Variants in DOCK2 observed in about 807,000 individuals in gnomAD.
DOCK2 encodes the protein dedicator of cytokinesis 2.
Under a neutral mutation model 248.9 loss-of-function variants are expected in DOCK2, and 87 were observed. That is an observed-to-expected ratio of 0.35 (90% confidence interval 0.29 to 0.42). DOCK2 has a LOEUF of 0.42. Ranked by LOEUF, DOCK2 falls within the 10% of genes least tolerant of loss-of-function variation. The pLI is 1.00. For missense variants in DOCK2, 1,747 were observed against 2,300.2 expected, an observed-to-expected ratio of 0.76 and a Z score of 4.92; for synonymous variants, 805 against 821.6, an observed-to-expected ratio of 0.98 and a Z score of 0.35.
chr5:169,921,897 T>C (rs1033352004), intron 27 of DOCK2, among the ~76,000 whole-genome samples: 2 of 152,230 alleles, frequency 1.3e-5, no homozygotes, highest in East Asian at 1.9e-4. Flanking sequence ...AATAATACTG[T>C]GATAGCCCCT....
chr5:169,649,672 C>T (rs892462413), intron 1 of DOCK2, among the ~76,000 whole-genome samples: 2 of 152,186 alleles, frequency 1.3e-5, no homozygotes, highest in African/African-American at 4.8e-5. Context: ...CCGCTTTCTG[C>T]CACTTTCTGT....
intron 22 of DOCK2, among the ~76,000 whole-genome samples, chr5:169,746,587 C>T (rs933847299): frequency 2.0e-4 from 31 of 152,112 alleles, no homozygotes; most frequent in African/African-American, 6.8e-4. Flanking sequence ...GGATATTTCA[C>T]GGTTGGTGAT....
intron 22 of DOCK2, among the ~76,000 whole-genome samples, chr5:169,733,136 G>A (rs1027722978): frequency 6.6e-6 from 1 of 151,810 alleles, no homozygotes; most frequent in African/African-American, 2.4e-5. Flanking sequence ...TGATTTTTCT[G>A]TCCTTTTTCT....
At chr5:169,756,551 C>A (rs985332053) in intron 23 of DOCK2, among the ~76,000 whole-genome samples, 1 of 152,088 alleles carries the variant, frequency 6.6e-6, no homozygotes, top group African/African-American at 2.4e-5. Flanking sequence ...TAGGCTCATG[C>A]GGTGCTGGGT....
chr5:169,668,388 G>T (rs569452423), intron 2 of DOCK2, among the ~76,000 whole-genome samples: 3 of 152,088 alleles, frequency 2.0e-5, no homozygotes, highest in Non-Finnish European at 2.9e-5. Context: ...GGACCTGGCC[G>T]TCAGGCTGGC....
rs142061956 is a variant in DOCK2, at chr5:169,651,627, C to G, written c.44-2776C>G. Reference sequence around the variant, plus strand: ...ATCCTGTCCAGTTCTACTGCCAAGTCCTCAGGCAGACCACTTGGGCTGAAA... The same window carrying G: ...ATCCTGTCCAGTTCTACTGCCAAGTGCTCAGGCAGACCACTTGGGCTGAAA... On this transcript the variant is annotated intron_variant, in intron 1 of 51. Coordinates refer to ENST00000520908, the MANE Select transcript of DOCK2 (RefSeq NM_004946.3). 8.7e-3 allele frequency among the ~76,000 whole-genome samples: 1,325 copies of G among 152,292 alleles called. 15 individuals carry two copies. The highest frequency in any genetic ancestry group is 0.03 in the African/African-American group (1,243 of 41,538).
intron 22 of DOCK2, among the ~76,000 whole-genome samples, chr5:169,739,564 C>G (rs145442247): frequency 6.6e-6 from 1 of 152,246 alleles, no homozygotes; most frequent in Non-Finnish European, 1.5e-5. Flanking sequence ...ACCTAATCCC[C>G]TTTTCCAAGA....
At chr5:169,962,120 T>C (rs1429278592) in intron 27 of DOCK2, among the ~76,000 whole-genome samples, 1 of 152,010 alleles carries the variant, frequency 6.6e-6, no homozygotes, top group Non-Finnish European at 1.5e-5. Flanking sequence ...CGCTTTATTG[T>C]GGCTAAGTAG....
At chr5:169,736,090 T>G (rs1253560350) in intron 22 of DOCK2, among the ~76,000 whole-genome samples, 2 of 152,148 alleles carry the variant, frequency 1.3e-5, no homozygotes, top group African/African-American at 4.8e-5. Context: ...GCCCCCATGA[T>G]CCAATCATCT....
chr5:169,846,685 T>G (rs1293516291), intron 27 of DOCK2, among the ~76,000 whole-genome samples: 2 of 152,094 alleles, frequency 1.3e-5, no homozygotes, highest in Non-Finnish European at 2.9e-5. Flanking sequence ...CACACACATA[T>G]ATATACATAC....
chr5:169,903,381 C>T (rs887854685), intron 27 of DOCK2, among the ~76,000 whole-genome samples: 5 of 149,938 alleles, frequency 3.3e-5, no homozygotes, highest in Admixed American at 6.6e-5. Context: ...AAGAGGAAGT[C>T]GGGGTGCCGC....
chr5:169,710,559 G>A (rs986254893), intron 15 of DOCK2, among the ~76,000 whole-genome samples: 1 of 152,166 alleles, frequency 6.6e-6, no homozygotes, highest in African/African-American at 2.4e-5. Context: ...ATTGGAATAA[G>A]GATTTGGAAT....
At chr5:169,890,491 T>G (rs1160188769) in intron 27 of DOCK2, among the ~76,000 whole-genome samples, 1 of 152,190 alleles carries the variant, frequency 6.6e-6, no homozygotes, top group African/African-American at 2.4e-5. Flanking sequence ...TCTTTCCAAT[T>G]TGAAATTTGG....
At chr5:169,960,600 A>T (rs769561069) in intron 27 of DOCK2, among the ~76,000 whole-genome samples, 23 of 152,186 alleles carry the variant, frequency 1.5e-4, no homozygotes, top group Non-Finnish European at 2.5e-4. Flanking sequence ...CCAATAATGG[A>T]GGGCCAGCCA....
chr5:169,816,204 G>A (rs573015535), intron 26 of DOCK2, among the ~76,000 whole-genome samples: 2 of 152,180 alleles, frequency 1.3e-5, no homozygotes, highest in African/African-American at 4.8e-5. Context: ...GGGAGGAGGC[G>A]CCCTGTTTTT....
At chr5:169,644,264 T>C (rs1443707439) in intron 1 of DOCK2, among the ~76,000 whole-genome samples, 1 of 152,094 alleles carries the variant, frequency 6.6e-6, no homozygotes, top group Non-Finnish European at 1.5e-5. Context: ...AGCAGTTTTA[T>C]GGTGCATTAA....
intron 24 of DOCK2, among the ~76,000 whole-genome samples, chr5:169,761,153 A>C (rs1344347802): frequency 1.3e-5 from 2 of 152,358 alleles, no homozygotes; most frequent in East Asian, 3.9e-4. Context: ...GCATAACCTT[A>C]GAAAAGTTAG....
chr5:169,924,801 C>T (rs377264699), intron 27 of DOCK2, among the ~76,000 whole-genome samples: 25 of 152,190 alleles, frequency 1.6e-4, no homozygotes, highest in Admixed American at 9.2e-4. Context: ...TATCCTGGGA[C>T]GCTCTTTGGC....
intron 27 of DOCK2, among the ~76,000 whole-genome samples, chr5:169,956,526 T>C (rs1332835385): frequency 6.6e-6 from 1 of 152,190 alleles, no homozygotes; most frequent in East Asian, 1.9e-4. Flanking sequence ...GACATGAGCT[T>C]GTAAGTGAAC....
Sources: allele counts gnomAD v4.1 joint callset (sites outside exome capture counted in the v4.1 genomes callset), GRCh38; gene constraint gnomAD v4.1.1; transcripts MANE v1.5; gene names NCBI Gene and HGNC (gene_info 2026-07-23, HGNC 2026-07-21).